ITPR2: variants seen among roughly 807,000 people sequenced by gnomAD.
The protein encoded by ITPR2 is inositol 1,4,5-trisphosphate receptor type 2, also known as inositol 1,4,5-trisphosphate-gated calcium channel ITPR2.
ITPR2 carries 207 observed loss-of-function variants against 317.1 expected under a neutral mutation model. That is an observed-to-expected ratio of 0.65 (90% CI 0.58 to 0.73). The LOEUF (loss-of-function observed/expected upper bound fraction) is 0.73, where lower values mean the gene tolerates loss of function less well. ITPR2 is among the 30% of genes least tolerant of loss of function. ITPR2 has a pLI of 0.00. For synonymous variants in ITPR2, 1,156 were observed against 1,149.1 expected (o/e 1.01, Z -0.12); for missense variants, 2,613 against 3,284.0 (o/e 0.80, Z 4.99).
At chr12:26,757,209 C>G (rs1592100429) in intron 2 of ITPR2, among the ~76,000 whole-genome samples, 1 of 150,322 alleles carries the variant, frequency 6.7e-6, no homozygotes, top group Non-Finnish European at 1.5e-5. Flanking sequence ...TTCTTCTATT[C>G]CTTTACTTTC....
chr12:26,414,338 G>A lies in ITPR2; in HGVS notation c.7306+965C>T, dbSNP rs138299276. On this transcript the variant is annotated intron_variant, in intron 51 of 56. Transcript: ENST00000381340. The stretch of plus-strand genomic sequence containing the variant: ...CATAATCTAAGTACTACCATATATC[G>A]TCAATTTAGTAATTAAGAAATGTTT... Among the ~76,000 whole-genome samples the A allele has an allele frequency of 3.5e-4, 54 of 152,168 alleles. No individual in the cohort carries two copies. The East Asian group carries it at 8.3e-3, about 23-fold the overall frequency.
chr12:26,552,783 C>T (rs1157911482), intron 36 of ITPR2, among the ~76,000 whole-genome samples: 1 of 152,044 alleles, frequency 6.6e-6, no homozygotes, highest in African/African-American at 2.4e-5. Context: ...ATGGGAAAAT[C>T]GTTTCGGTGG....
At chr12:26,731,666 A>G (rs959078139) in intron 2 of ITPR2, among the ~76,000 whole-genome samples, 1 of 152,144 alleles carries the variant, frequency 6.6e-6, no homozygotes, top group East Asian at 1.9e-4. Flanking sequence ...AGCTGGGGGC[A>G]GTGGACTACA....
chr12:26,681,512 C>T (rs1250965434), intron 13 of ITPR2, among the ~76,000 whole-genome samples: 1 of 151,968 alleles, frequency 6.6e-6, no homozygotes, highest in Admixed American at 6.6e-5. Flanking sequence ...TAAATAAGAT[C>T]AGAGAAACAC....
At chr12:26,579,977 A>C in intron 33 of ITPR2, 50 bp downstream of exon 33, 1 of 1,549,408 alleles carries the variant, frequency 6.5e-7, no homozygotes, top group Non-Finnish European at 8.7e-7. Context: ...TCTCCTACTC[A>C]AATAAGAGAA....
At chr12:26,827,458 C>T (rs2137307044) in intron 1 of ITPR2, among the ~76,000 whole-genome samples, 1 of 152,158 alleles carries the variant, frequency 6.6e-6, no homozygotes, top group Non-Finnish European at 1.5e-5. Context: ...AGAAGCTGGG[C>T]CACTAAGCCT....
At chr12:26,481,429 G>A (rs1183204995) in intron 42 of ITPR2, among the ~76,000 whole-genome samples, 188 bp from the exon 43 acceptor site, 2 of 152,184 alleles carry the variant, frequency 1.3e-5, no homozygotes, top group African/African-American at 4.8e-5. Flanking sequence ...TTGATCAAAT[G>A]GTTTTGTATG....
chr12:26,501,491 A>G (rs1388897669), intron 37 of ITPR2, among the ~76,000 whole-genome samples: 2 of 152,154 alleles, frequency 1.3e-5, no homozygotes, highest in Non-Finnish European at 2.9e-5. Context: ...GTTGTAAGTC[A>G]ATTTCTCTCC....
chr12:26,642,711 G>T (rs1947020220), intron 21 of ITPR2, among the ~76,000 whole-genome samples: 1 of 152,212 alleles, frequency 6.6e-6, no homozygotes, highest in Admixed American at 6.5e-5. Context: ...GCACAGAAAT[G>T]TTCCTCAGCA....
intron 43 of ITPR2, among the ~76,000 whole-genome samples, chr12:26,479,431 G>A (rs143577988): frequency 4.7e-4 from 71 of 152,028 alleles, no homozygotes; most frequent in Admixed American, 2.4e-3. Context: ...CAGTATTTCT[G>A]TCCATTAAGT....
At chr12:26,713,570 T>C (rs1045397798) in intron 8 of ITPR2, among the ~76,000 whole-genome samples, 6 of 152,230 alleles carry the variant, frequency 3.9e-5, no homozygotes, top group East Asian at 1.9e-4. Context: ...TTTCCAACTA[T>C]GCATTTTGAT....
intron 50 of ITPR2, among the ~76,000 whole-genome samples, chr12:26,417,718 C>T (rs2136682765): frequency 6.6e-6 from 1 of 152,122 alleles, no homozygotes; most frequent in East Asian, 1.9e-4. Flanking sequence ...ATATTCATAG[C>T]AGTGTGAGAA....
intron 9 of ITPR2, among the ~76,000 whole-genome samples, chr12:26,698,315 T>C (rs1243683411): frequency 2.0e-5 from 3 of 152,182 alleles, no homozygotes; most frequent in Non-Finnish European, 4.4e-5. Flanking sequence ...TTTAAAAGCA[T>C]GTCATGTAAG....
At chr12:26,668,807 C>CAA (rs5797189) in intron 13 of ITPR2, among the ~76,000 whole-genome samples, 1 of 148,144 alleles carries the variant, frequency 6.8e-6, no homozygotes, top group Non-Finnish European at 1.5e-5. Context: ...GTGGATATAC[C>CAA]AAAAAAAAAA....
chr12:26,653,241 CTTTTTTT>C (rs774729786), intron 21 of ITPR2, among the ~76,000 whole-genome samples: 5 of 103,576 alleles, frequency 4.8e-5, no homozygotes, highest in African/African-American at 1.6e-4. Context: ...TTGAATCTTT[CTTTTTTT>C]TTTTTTTTTT....
intron 55 of ITPR2, among the ~76,000 whole-genome samples, chr12:26,370,385 A>G (rs576315540): frequency 3.9e-5 from 6 of 152,304 alleles, no homozygotes; most frequent in African/African-American, 1.2e-4. Flanking sequence ...TTGTCACTGC[A>G]TAAGATGGGA....
At chr12:26,544,567 G>GACAC (rs35479352) in intron 37 of ITPR2, among the ~76,000 whole-genome samples, 1 of 147,750 alleles carries the variant, frequency 6.8e-6, no homozygotes, top group African/African-American at 2.5e-5. Context: ...TTCACACATA[G>GACAC]ACACACACAC....
At chr12:26,527,293 G>C (rs1943831859) in intron 37 of ITPR2, among the ~76,000 whole-genome samples, 1 of 152,146 alleles carries the variant, frequency 6.6e-6, no homozygotes, top group Non-Finnish European at 1.5e-5. Flanking sequence ...ATACTTCTTG[G>C]TGTGTCCTCA....
intron 26 of ITPR2, among the ~76,000 whole-genome samples, chr12:26,618,147 G>A (rs1946412113): frequency 6.6e-6 from 1 of 152,118 alleles, no homozygotes; most frequent in African/African-American, 2.4e-5. Flanking sequence ...ATGTTCAATA[G>A]TGAAATATTA....
Sources: gnomAD v4.1 joint callset for allele counts (sites outside exome capture counted in the v4.1 genomes callset) on GRCh38, gnomAD v4.1.1 for gene constraint, MANE v1.5 for transcripts, NCBI Gene and HGNC (gene_info 2026-07-23, HGNC 2026-07-21) for gene names.